Variants in VPS8 observed in about 807,000 individuals in gnomAD.
The protein encoded by VPS8 is VPS8 subunit of CORVET complex, also known as vacuolar protein sorting-associated protein 8 homolog.
VPS8 carries 129 observed loss-of-function variants against 216.4 expected under a neutral mutation model. The ratio of observed to expected loss-of-function variants is 0.60; its 90% CI spans 0.52 to 0.69. The LOEUF (loss-of-function observed/expected upper bound fraction) is 0.69. Ranked by LOEUF, VPS8 falls within the 30% of genes least tolerant of loss-of-function variation. VPS8 has a pLI of 0.00. For missense variants in VPS8, 1,531 were observed against 1,683.5 expected (o/e 0.91, Z 1.59); for synonymous variants, 571 against 565.4 (o/e 1.01, Z -0.14).
intron 45 of VPS8, among the ~76,000 whole-genome samples, chr3:185,011,811 G>A (rs1414588470): frequency 6.6e-6 from 1 of 152,106 alleles, no homozygotes. Flanking sequence ...ATAATCAAGA[G>A]AAAAAGCATC....
chr3:184,920,825 GTTTC>G (rs1347725332), intron 29 of VPS8, among the ~76,000 whole-genome samples: 1 of 152,294 alleles, frequency 6.6e-6, no homozygotes, highest in East Asian at 1.9e-4. Context: ...TAAAGTGGAG[GTTTC>G]TTTCTTTTAA....
chr3:184,824,658 A>G lies in VPS8; in HGVS notation c.26A>G (p.Asn9Ser). 1.2e-6 allele frequency: 2 copies of G among 1,613,946 alleles called. No individual in the cohort carries two copies. Among genetic ancestry groups the G allele is most frequent in the Non-Finnish European group, 1.7e-6 (2 of 1,179,872 alleles). ...ATGGAAAATGAACCAGACCATGAAA[A>G]TGTGGAACAGAGCCTCTGTGCCAAG... MENEPDHE[N>S]VEQSLCAKTS... is the part of the protein sequence containing the mutation. Residue 9 changes from asparagine (N) to serine (S), a missense_variant, in exon 2 of 48, where the codon AAT becomes AGT. Asn to Ser is a conservative substitution (Grantham distance 46, BLOSUM62 1). Around this residue, in one of 3 missense-constraint regions of VPS8, gnomAD observed 199 missense variants for 182.2 expected, o/e 1.09. Transcript: ENST00000625842.
At chr3:184,975,021 G>T (rs1389435726) in intron 40 of VPS8, among the ~76,000 whole-genome samples, 1 of 151,962 alleles carries the variant, frequency 6.6e-6, no homozygotes, top group African/African-American at 2.4e-5. Flanking sequence ...TTTTGTTCAG[G>T]ATTGCTTTTG....
At chr3:184,998,523 A>G (rs1752942515) in intron 44 of VPS8, among the ~76,000 whole-genome samples, 1 of 110,558 alleles carries the variant, frequency 9.0e-6, no homozygotes, top group Admixed American at 8.6e-5. Context: ...ATATATATAT[A>G]TATATATATA....
At chr3:185,021,642 A>G (rs1756677275) in intron 45 of VPS8, among the ~76,000 whole-genome samples, 1 of 152,208 alleles carries the variant, frequency 6.6e-6, no homozygotes, top group Non-Finnish European at 1.5e-5. Context: ...AAAGACTGTC[A>G]AGTCTAATTT....
intron 28 of VPS8, among the ~76,000 whole-genome samples, chr3:184,917,946 G>T (rs1399049278): frequency 3.3e-5 from 5 of 152,086 alleles, no homozygotes; most frequent in Admixed American, 1.3e-4. Context: ...TTAGGCACAC[G>T]TCCGAGAGGC....
intron 42 of VPS8, among the ~76,000 whole-genome samples, chr3:184,990,842 T>C (rs910200078): frequency 7.9e-5 from 12 of 152,018 alleles, no homozygotes; most frequent in Non-Finnish European, 1.6e-4. Context: ...CCAAAAGAAG[T>C]GGTCACATGA....
chr3:184,872,809 T>TGGCTACA (rs1560474971), intron 21 of VPS8, among the ~76,000 whole-genome samples: 1 of 152,072 alleles, frequency 6.6e-6, no homozygotes, highest in Non-Finnish European at 1.5e-5. Context: ...CACAATCACA[T>TGGCTACA]GGCTACAGGC....
chr3:185,051,852 C>G, intron 47 of VPS8, 24 bp from the exon 48 acceptor site: 2 of 1,568,522 alleles, frequency 1.3e-6, no homozygotes, highest in Non-Finnish European at 1.7e-6. Context: ...CAAACCTTAG[C>G]TGATGTGTGT....
intron 45 of VPS8, among the ~76,000 whole-genome samples, chr3:185,000,086 T>C (rs1753196344): frequency 6.6e-6 from 1 of 152,242 alleles, no homozygotes; most frequent in African/African-American, 2.4e-5. Context: ...TTTCTGCCTT[T>C]AAACGGCTTA....
chr3:184,893,527 T>C (rs1276889054), intron 22 of VPS8: 1 of 447,524 alleles, frequency 2.2e-6, no homozygotes, highest in African/African-American at 2.2e-5. Context: ...TCAATTTTGC[T>C]GGTCATAAAA....
intron 8 of VPS8, among the ~76,000 whole-genome samples, chr3:184,845,641 G>A (rs1722976572): frequency 6.6e-6 from 1 of 151,764 alleles, no homozygotes; most frequent in Non-Finnish European, 1.5e-5. Flanking sequence ...TGTAATCCCA[G>A]CAACTTGGGA....
intron 30 of VPS8, 58 bp from the exon 31 acceptor site, chr3:184,926,536 T>C: frequency 6.7e-6 from 10 of 1,483,282 alleles, no homozygotes; most frequent in Non-Finnish European, 9.1e-6. Flanking sequence ...ATTTTTATTA[T>C]GAGAGTATTA....
chr3:185,037,831 A>G (rs1759118089), intron 46 of VPS8, among the ~76,000 whole-genome samples: 1 of 152,132 alleles, frequency 6.6e-6, no homozygotes, highest in African/African-American at 2.4e-5. Flanking sequence ...CTTTATTGAT[A>G]CTGTCTCTAT....
intron 45 of VPS8, among the ~76,000 whole-genome samples, chr3:185,006,820 T>C (rs1366353701): frequency 2.3e-5 from 3 of 130,656 alleles, no homozygotes; most frequent in African/African-American, 8.2e-5. Flanking sequence ...CTCACTGCCT[T>C]TGTAATGCAG....
chr3:184,920,357 A>G (rs970902988), intron 29 of VPS8, among the ~76,000 whole-genome samples, 159 bp downstream of exon 29: 11 of 152,172 alleles, frequency 7.2e-5, no homozygotes, highest in African/African-American at 2.7e-4. Context: ...TGAATTAAGT[A>G]CTAATTATTT....
chr3:184,816,180 TCACA>T (rs1279629126), intron 1 of VPS8: 1 of 152,226 alleles, frequency 6.6e-6, no homozygotes, highest in Non-Finnish European at 1.5e-5. Flanking sequence ...ACTTATTACC[TCACA>T]CACATATTGA....
intron 46 of VPS8, among the ~76,000 whole-genome samples, chr3:185,037,746 C>T (rs1438809650): frequency 6.6e-6 from 1 of 152,114 alleles, no homozygotes; most frequent in African/African-American, 2.4e-5. Context: ...CCTGTTAAGC[C>T]TGTCTTGTGA....
chr3:184,843,178 C>T, intron 7 of VPS8, 62 bp from the exon 8 acceptor site: 1 of 1,311,044 alleles, frequency 7.6e-7, no homozygotes, highest in South Asian at 1.7e-5. Context: ...TTTCTTCGAA[C>T]TTTTGAACTG....
Sources: allele counts gnomAD v4.1 joint callset (sites outside exome capture counted in the v4.1 genomes callset), GRCh38; gene constraint gnomAD v4.1.1; regional missense constraint gnomAD v4.1.1; transcripts MANE v1.5; gene names NCBI Gene and HGNC (gene_info 2026-07-23, HGNC 2026-07-21).